The following BCL10 variants were observed in gnomAD, a reference collection of about 807,000 sequenced individuals.
The protein encoded by BCL10 is B-cell lymphoma/leukemia 10.
A neutral mutation model predicts 19.2 loss-of-function variants in BCL10; 5 were observed. The observed-to-expected ratio is 0.26, with a 90% CI of 0.14 to 0.55. The LOEUF (loss-of-function observed/expected upper bound fraction) is 0.55. BCL10 is among the 20% of genes least tolerant of loss of function. The probability of loss-of-function intolerance (pLI) is 0.94; values close to 1 mark genes in which losing one functional copy is unlikely to be tolerated. For missense variants in BCL10, 201 were observed against 271.9 expected (o/e 0.74, Z 1.83); for synonymous variants, 110 against 98.8 (o/e 1.11, Z -0.67).
At chr1:85,270,163 TGA>T (rs920275669) in intron 2 of BCL10, among the ~76,000 whole-genome samples, 2 of 152,238 alleles carry the variant, frequency 1.3e-5, no homozygotes, top group Non-Finnish European at 2.9e-5. Flanking sequence ...TACAGGATAT[TGA>T]GAGATATTCC....
chr1:85,276,121 T>C (rs1170154608), intron 1 of BCL10, among the ~76,000 whole-genome samples, 175 bp downstream of exon 1: 1 of 152,214 alleles, frequency 6.6e-6, no homozygotes, highest in East Asian at 1.9e-4. Flanking sequence ...CACTGGAGGA[T>C]CACTGCCACC....
At position 85,266,398 on chromosome 1, in the gene BCL10, T is replaced by C. The variant is rs11799583; in HGVS notation, c.*1229A>G. ...AGTGAGAGCATAAGATTTATAAACA[T>C]GTAAAATTAGTCAAATTTTGTTTTA... is the stretch of plus-strand genomic sequence containing the variant. On this transcript the variant is annotated 3_prime_UTR_variant, in exon 3 of 3. Coordinates refer to ENST00000648566, the MANE Select transcript of BCL10 (RefSeq NM_003921.5). 7.5e-3 allele frequency: 1,396 copies of C among 186,496 alleles called. 16 individuals carry two copies. Among genetic ancestry groups the C allele is most frequent in the African/African-American group, 0.029 (1,250 of 42,850 alleles). 11.6% of individuals were successfully genotyped at this position (186,496 alleles called of 1,614,324 possible).
intron 1 of BCL10, among the ~76,000 whole-genome samples, chr1:85,275,369 G>A (rs1238634534): frequency 6.6e-6 from 1 of 152,156 alleles, no homozygotes; most frequent in African/African-American, 2.4e-5. Flanking sequence ...CCTTCTGCTG[G>A]TGAGTCACAC....
rs775457150 is a variant in BCL10, at chr1:85,267,776, T to C, written c.553A>G (p.Thr185Ala). 3 of 1,614,230 alleles carry C rather than the reference T, an allele frequency of 1.9e-6. No individual in the cohort carries two copies. The highest frequency in any genetic ancestry group is 2.7e-5 in the African/African-American group (2 of 75,054). The stretch of plus-strand genomic sequence containing the variant: ...GGAAGTGTAGTTGAAGAGAAGATGG[T>C]ATTTTCAGTTCTGCCTACTTCTAGA... ...PVLEVGRTEN[T>A]IFSSTTLPRP... Residue 185 changes from threonine (T) to alanine (A), a missense_variant, in exon 3 of 3, where the codon ACC (threonine) becomes GCC (alanine). Physicochemically the swap from Thr to Ala is moderately conservative, Grantham distance 58. Coordinates refer to ENST00000648566, the MANE Select transcript of BCL10 (RefSeq NM_003921.5).
chr1:85,269,614 G>A (rs564697469), intron 2 of BCL10, among the ~76,000 whole-genome samples: 1 of 152,368 alleles, frequency 6.6e-6, no homozygotes, highest in East Asian at 1.9e-4. Context: ...TATAGACTAT[G>A]AGTTCCTTAA....
At chr1:85,270,486 TG>T in intron 2 of BCL10, 131 bp downstream of exon 2, 1 of 769,486 alleles carries the variant, frequency 1.3e-6, no homozygotes, top group Non-Finnish European at 2.1e-6. Flanking sequence ...TTGCCCAGGC[TG>T]GTCTCAAAAC....
At chr1:85,268,385 G>A (rs1197749068) in intron 2 of BCL10, among the ~76,000 whole-genome samples, 2 of 152,162 alleles carry the variant, frequency 1.3e-5, no homozygotes, top group Non-Finnish European at 2.9e-5. Context: ...TCTATCTGTT[G>A]ATCAATGACA....
At position 85,267,544 on chromosome 1, in the gene BCL10, C is replaced by T. The variant is rs1297071624; in HGVS notation, c.*83G>A. On this transcript the variant is annotated 3_prime_UTR_variant, in exon 3 of 3. Transcript: ENST00000648566. ...TTAAAAGACATGCATCAAATGTAAA[C>T]AAATGATTACAGCCATTTTATAAAA... is the stretch of plus-strand genomic sequence containing the variant. 4.3e-6 allele frequency: 5 copies of T among 1,175,242 alleles called. No homozygotes were observed. Among genetic ancestry groups the T allele is most frequent in the Middle Eastern group, 2.6e-4 (1 of 3,908 alleles). 72.8% of individuals were successfully genotyped at this position (1,175,242 alleles called of 1,614,324 possible).
At chr1:85,268,368 C>T (rs1032291319) in intron 2 of BCL10, among the ~76,000 whole-genome samples, 1 of 152,134 alleles carries the variant, frequency 6.6e-6, no homozygotes, top group Non-Finnish European at 1.5e-5. Flanking sequence ...ACGGCAGATG[C>T]TAAAATTCTA....
In BCL10 at chr1:85,276,372, G is replaced by A. The variant is rs1350045486; in HGVS notation, c.-20C>T. On this transcript the variant is annotated 5_prime_UTR_variant, in exon 1 of 3. Transcript: ENST00000648566. ...CTCCATGGTGGAGGCGGGAGATGGC[G>A]CTTCTTCCGGGTCCGGGAGCTCGGG... The A allele has an allele frequency of 6.2e-7, 1 of 1,613,378 alleles. No individual in the cohort carries two copies. The highest frequency in any genetic ancestry group is 1.3e-5 in the African/African-American group (1 of 74,912).
At chr1:85,270,445 T>A (rs1264721881) in intron 2 of BCL10, among the ~76,000 whole-genome samples, 173 bp downstream of exon 2, 2 of 152,156 alleles carry the variant, frequency 1.3e-5, no homozygotes, top group African/African-American at 4.8e-5. Flanking sequence ...GCTAATTTTT[T>A]AATTTTTTGT....
At position 85,265,924 on chromosome 1, in the gene BCL10, T is replaced by C. The variant is rs760784728; in HGVS notation, c.*1703A>G. ...TTTAAAAAGGTGTCCACAAATTTAA[T>C]TTTAAAGTCTGCTTCTGCTTTTTAA... On this transcript the variant is annotated 3_prime_UTR_variant, in exon 3 of 3. Coordinates refer to ENST00000648566, the MANE Select transcript of BCL10 (RefSeq NM_003921.5). Among the ~76,000 whole-genome samples, 1 of 152,238 alleles carries C rather than the reference T, an allele frequency of 6.6e-6. No individual in the cohort carries two copies. Among genetic ancestry groups the C allele is most frequent in the Non-Finnish European group, 1.5e-5 (1 of 68,030 alleles).
At position 85,267,300 on chromosome 1, in the gene BCL10, C is replaced by G. The variant is rs539058521; in HGVS notation, c.*327G>C. The G allele has an allele frequency of 2.0e-4, 50 of 248,248 alleles. No homozygotes were observed. In the East Asian group the frequency reaches 2.7e-3, roughly 13 times the overall value. The allele number at this position is 248,248 out of a possible 1,614,324, so 15.4% of individuals were successfully genotyped here. Reference sequence around the variant, plus strand: ...TAGCACAAATGCACTGAGGAAAAAACGTTCTTCCTAGTAAGGGTCTATTCT... The same window carrying G: ...TAGCACAAATGCACTGAGGAAAAAAGGTTCTTCCTAGTAAGGGTCTATTCT... On this transcript the variant is annotated 3_prime_UTR_variant, in exon 3 of 3. Coordinates refer to ENST00000648566, the MANE Select transcript of BCL10 (RefSeq NM_003921.5).
Position 85,266,014 on chromosome 1 carries a change from T to C in BCL10, c.*1613A>G, listed in dbSNP as rs1660180588. Among the ~76,000 whole-genome samples the C allele has an allele frequency of 6.6e-6, 1 of 152,150 alleles. No individual in the cohort carries two copies. The highest frequency in any genetic ancestry group is 1.5e-5 in the Non-Finnish European group (1 of 68,016). On this transcript the variant is annotated 3_prime_UTR_variant, in exon 3 of 3. Coordinates refer to ENST00000648566, the MANE Select transcript of BCL10 (RefSeq NM_003921.5). ...CACTATTTTTGCTATGCATTGGAGGTGAAACATTTCTCTATAATCCTTAGA... is the reference window on the plus strand; with the variant it reads ...CACTATTTTTGCTATGCATTGGAGGCGAAACATTTCTCTATAATCCTTAGA...
chr1:85,272,272 C>A (rs1660387240), intron 1 of BCL10, among the ~76,000 whole-genome samples: 1 of 152,122 alleles, frequency 6.6e-6, no homozygotes, highest in Non-Finnish European at 1.5e-5. Context: ...CACTCTGTCA[C>A]CTAGGCTGGA....
intron 1 of BCL10, among the ~76,000 whole-genome samples, chr1:85,273,115 C>A (rs1436763871): frequency 6.6e-6 from 1 of 152,198 alleles, no homozygotes; most frequent in Non-Finnish European, 1.5e-5. Context: ...GAGTTAGGCA[C>A]CCCGTCCTCT....
Position 85,266,753 on chromosome 1 carries a change from A to T in BCL10, c.*874T>A. The T allele has an allele frequency of 5.5e-6, 1 of 181,708 alleles. No individual in the cohort carries two copies. The highest frequency in any genetic ancestry group is 9.0e-5 in the East Asian group (1 of 11,130). The allele number at this position is 181,708 out of a possible 1,614,324, so 11.3% of individuals were successfully genotyped here. A position where few individuals can be genotyped will look rare whatever the true frequency, so the allele number is the denominator to read the frequency against. On this transcript the variant is annotated 3_prime_UTR_variant, in exon 3 of 3. Transcript: ENST00000648566. The stretch of plus-strand genomic sequence containing the variant: ...GTGAGGCATGGTGGCACACACTTGT[A>T]GTCTCAGCTATATTACTTGAGAGGC...
rs866093306 is a variant in BCL10, at chr1:85,270,474, T to C, written c.346+144A>G. The C allele has an allele frequency of 4.8e-5, 34 of 704,178 alleles. No homozygotes were observed. The South Asian group carries it at 5.5e-4, about 11-fold the overall frequency. 43.6% of individuals were successfully genotyped at this position (704,178 alleles called of 1,614,324 possible). A position where few individuals can be genotyped will look rare whatever the true frequency, so the allele number is the denominator to read the frequency against. On this transcript the variant is annotated intron_variant, in intron 2 of 2. Coordinates refer to ENST00000648566, the MANE Select transcript of BCL10 (RefSeq NM_003921.5). ...TTTTTGTAGAGACAAAGTCTCGCTA[T>C]GTTGCCCAGGCTGGTCTCAAAACTC... is the stretch of plus-strand genomic sequence containing the variant.
chr1:85,276,135 G>T (rs925046044), intron 1 of BCL10, among the ~76,000 whole-genome samples, 161 bp downstream of exon 1: 1 of 152,232 alleles, frequency 6.6e-6, no homozygotes, highest in Non-Finnish European at 1.5e-5. Context: ...TGCCACCAAG[G>T]TCCCTCGGAT....
Sources: allele counts gnomAD v4.1 joint callset (sites outside exome capture counted in the v4.1 genomes callset), GRCh38; gene constraint gnomAD v4.1.1; transcripts MANE v1.5; gene names NCBI Gene and HGNC (gene_info 2026-07-23, HGNC 2026-07-21).